The following THBS4 variants were observed in gnomAD, a reference collection of about 807,000 sequenced individuals.
The protein encoded by THBS4 is thrombospondin-4.
A neutral mutation model predicts 115.7 loss-of-function variants in THBS4; 90 were observed. The observed-to-expected ratio is 0.78, with a 90% CI of 0.66 to 0.93. The LOEUF (loss-of-function observed/expected upper bound fraction) is 0.93. THBS4 is among the 40% of genes least tolerant of loss of function. THBS4 has a pLI of 0.00. For missense variants in THBS4, 1,087 were observed against 1,232.7 expected, an observed-to-expected ratio of 0.88 and a Z score of 1.77; for synonymous variants, 460 against 479.3, an observed-to-expected ratio of 0.96 and a Z score of 0.53.
At chr5:80,070,864 C>T in intron 12 of THBS4, 114 bp downstream of exon 12, 1 of 1,553,418 alleles carries the variant, frequency 6.4e-7, no homozygotes, top group Non-Finnish European at 8.8e-7. Flanking sequence ...TCCATGCCTG[C>T]ATTCCACAGC....
intron 1 of THBS4, among the ~76,000 whole-genome samples, chr5:79,992,313 G>A (rs372223007): frequency 6.6e-5 from 10 of 152,234 alleles, no homozygotes; most frequent in East Asian, 3.9e-4. Flanking sequence ...GGACACCCTC[G>A]CAGTCATGCC....
intron 16 of THBS4, 114 bp downstream of exon 16, chr5:80,077,162 T>C (rs953010809): frequency 4.9e-6 from 5 of 1,028,860 alleles, no homozygotes; most frequent in Non-Finnish European, 7.0e-6. Flanking sequence ...TCCCATCAGC[T>C]GCTTCTCTAC....
At chr5:80,049,827 G>T (rs1356518121) in intron 2 of THBS4, among the ~76,000 whole-genome samples, 1 of 152,132 alleles carries the variant, frequency 6.6e-6, no homozygotes, top group Non-Finnish European at 1.5e-5. Flanking sequence ...CTTGCTTTGA[G>T]GAGGCAATAA....
chr5:80,077,674 TTTC>T lies in THBS4; in HGVS notation c.2087-373_2087-371del, dbSNP rs1217650636. Among the ~76,000 whole-genome samples, 8 of 152,330 alleles carry T rather than the reference TTTC, an allele frequency of 5.3e-5. No homozygotes were observed. In the Middle Eastern group the frequency reaches 0.021, roughly 391 times the overall value. On this transcript the variant is annotated intron_variant, in intron 16 of 21. Transcript: ENST00000350881. ...ATTCTGGTAACAATAATTTCCCTGT[TTTC>T]TACACATTACAGTCCAGAAAGTGCT...
Position 80,060,569 on chromosome 5 carries a change from G to A in THBS4, c.987+664G>A, listed in dbSNP as rs562953920. On this transcript the variant is annotated intron_variant, in intron 7 of 21. Transcript: ENST00000350881. ...GAGCCCAGGAGTTTGAGACCAGCCC[G>A]GGCAACAAGACAAAACCCTATCTCT... Among the ~76,000 whole-genome samples, 4 of 152,220 alleles carry A rather than the reference G, an allele frequency of 2.6e-5. No homozygotes were observed. In the East Asian group the frequency reaches 5.8e-4, roughly 22 times the overall value.
chr5:80,082,631 C>CG (rs369193500), intron 21 of THBS4, 86 bp downstream of exon 21: 1 of 1,536,948 alleles, frequency 6.5e-7, no homozygotes, highest in East Asian at 2.3e-5. Context: ...ACTTCCCCCC[C>CG]AAAAGCCCAA....
chr5:80,039,986 C>A, intron 1 of THBS4, 91 bp from the exon 2 acceptor site: 2 of 1,118,350 alleles, frequency 1.8e-6, no homozygotes, highest in Admixed American at 3.5e-5. Context: ...TTGTAGCTTA[C>A]TGTCAAATTG....
intron 2 of THBS4, among the ~76,000 whole-genome samples, chr5:80,042,977 GAAAA>G (rs964565550): frequency 2.7e-5 from 4 of 146,828 alleles, no homozygotes; most frequent in African/African-American, 1.0e-4. Context: ...TGTCTCAAAA[GAAAA>G]AAAAAATTAG....
chr5:80,072,461 A>G, intron 14 of THBS4, 65 bp downstream of exon 14: 1 of 1,440,536 alleles, frequency 6.9e-7, no homozygotes, highest in Admixed American at 1.8e-5. Flanking sequence ...CTCATTTAAG[A>G]CGGGTGTCTA....
intron 2 of THBS4, among the ~76,000 whole-genome samples, chr5:80,049,096 T>C (rs899294598): frequency 1.3e-5 from 2 of 152,228 alleles, no homozygotes. Context: ...ATATTATCAT[T>C]TCCAGTTCTT....
chr5:80,082,955 G>C, intron 21 of THBS4, 125 bp from the exon 22 acceptor site: 1 of 802,742 alleles, frequency 1.2e-6, no homozygotes, highest in Non-Finnish European at 2.1e-6. Context: ...ATGGCGGCGA[G>C]GGCCTGCGGG....
At chr5:80,037,631 T>G (rs561843111) in intron 1 of THBS4, among the ~76,000 whole-genome samples, 2 of 152,338 alleles carry the variant, frequency 1.3e-5, no homozygotes, top group South Asian at 4.1e-4. Flanking sequence ...AACCATAGAT[T>G]GAAATACCGC....
At chr5:80,068,263 G>A (rs1391388677) in intron 10 of THBS4, 138 bp downstream of exon 10, 2 of 1,091,698 alleles carry the variant, frequency 1.8e-6, no homozygotes, top group Middle Eastern at 2.9e-4. Context: ...AGTGTAATAG[G>A]AACAGGGTCC....
intron 5 of THBS4, 82 bp from the exon 6 acceptor site, chr5:80,059,358 A>G (rs1833545052): frequency 2.3e-6 from 3 of 1,312,424 alleles, no homozygotes; most frequent in Non-Finnish European, 3.2e-6. Flanking sequence ...TGTTACATAG[A>G]TAGCTCCACA....
At chr5:80,021,766 T>C (rs2118731) in intron 2 of THBS4, among the ~76,000 whole-genome samples, 87,490 of 151,998 alleles carry the variant, frequency 0.58, 25,802 homozygotes, top group African/African-American at 0.7. Flanking sequence ...ATACTCTTCC[T>C]TCGGCCTCCT....
intron 2 of THBS4, among the ~76,000 whole-genome samples, chr5:80,014,990 A>G (rs144889441): frequency 1.3e-4 from 20 of 152,364 alleles, no homozygotes; most frequent in African/African-American, 4.6e-4. Context: ...GATAAAGCCA[A>G]AGTCTTGCTA....
intron 14 of THBS4, 80 bp downstream of exon 14, chr5:80,072,476 A>G: frequency 7.7e-7 from 1 of 1,302,248 alleles, no homozygotes; most frequent in Non-Finnish European, 1.1e-6. Context: ...TGTCTAGAAA[A>G]ACAGCAGAGC....
At chr5:80,082,985 A>C in intron 21 of THBS4, 95 bp from the exon 22 acceptor site, 1 of 1,100,614 alleles carries the variant, frequency 9.1e-7, no homozygotes, top group Non-Finnish European at 1.4e-6. Flanking sequence ...GCGGGCTAAC[A>C]GCGCCCCCTA....
intron 1 of THBS4, among the ~76,000 whole-genome samples, chr5:80,038,341 T>C (rs1832782902): frequency 6.6e-6 from 1 of 152,228 alleles, no homozygotes; most frequent in Non-Finnish European, 1.5e-5. Context: ...TTTTTCTTAA[T>C]GTATCATGAA....
Sources: gnomAD v4.1 joint callset for allele counts (sites outside exome capture counted in the v4.1 genomes callset) on GRCh38, gnomAD v4.1.1 for gene constraint, MANE v1.5 for transcripts, NCBI Gene and HGNC (gene_info 2026-07-23, HGNC 2026-07-21) for gene names.